The following RGS7BP variants were observed in gnomAD, a reference collection of about 807,000 sequenced individuals.
RGS7BP encodes the protein regulator of G protein signaling 7-binding protein.
In RGS7BP, 9 loss-of-function variants were observed where a neutral mutation model predicts 31.3. The observed-to-expected ratio is 0.29, with a 90% CI of 0.17 to 0.50. The LOEUF (loss-of-function observed/expected upper bound fraction) is 0.50. Ranked by LOEUF, RGS7BP falls within the 20% of genes least tolerant of loss-of-function variation. The pLI is 0.98. For missense variants in RGS7BP, 274 were observed against 322.0 expected, an observed-to-expected ratio of 0.85 and a Z score of 1.14; for synonymous variants, 115 against 120.1, an observed-to-expected ratio of 0.96 and a Z score of 0.28.
intron 4 of RGS7BP, among the ~76,000 whole-genome samples, chr5:64,595,921 A>G (rs188886729): frequency 5.3e-5 from 8 of 152,302 alleles, no homozygotes. Context: ...TAAAACTTGG[A>G]TTTTGTATAA....
At chr5:64,535,730 C>T (rs182706402) in intron 2 of RGS7BP, among the ~76,000 whole-genome samples, 1 of 152,188 alleles carries the variant, frequency 6.6e-6, no homozygotes, top group South Asian at 2.1e-4. Flanking sequence ...CCATAGCAGA[C>T]AGGAAGACAT....
rs750625916 is a variant in RGS7BP, at chr5:64,507,854, C to A, written c.309C>A (p.His103Gln). The change falls in exon 2 of 6, where the codon CAC becomes CAA. Residue 103 changes from histidine (H) to glutamine (Q), a missense_variant. By Grantham distance (24) the His-to-Gln change is conservative (BLOSUM62 0). Around this residue, in one of 3 missense-constraint regions of RGS7BP, gnomAD observed 149 missense variants for 152.6 expected, o/e 0.98. Transcript: ENST00000334025. ...GCTGTGAAATGGCCCGTCAGGCACA[C>A]CAAAAATTGGCTGCCATCTCAGGGT... ...TKGCEMARQAHQKLAAISGPE... is the reference protein window; with the variant it reads ...TKGCEMARQAQQKLAAISGPE... The A allele has an allele frequency of 1.2e-6, 2 of 1,613,216 alleles. No individual in the cohort carries two copies. The highest frequency in any genetic ancestry group is 1.1e-5 in the South Asian group (1 of 90,972).
chr5:64,559,803 C>A (rs1264575762), intron 2 of RGS7BP, among the ~76,000 whole-genome samples: 2 of 152,098 alleles, frequency 1.3e-5, no homozygotes, highest in African/African-American at 4.8e-5. Flanking sequence ...TGTGTTGTTC[C>A]ATTGACATAT....
intron 2 of RGS7BP, among the ~76,000 whole-genome samples, chr5:64,508,599 A>G (rs1748756330): frequency 1.3e-5 from 2 of 152,142 alleles, no homozygotes; most frequent in South Asian, 4.1e-4. Context: ...AATATTGGGG[A>G]AAAAGTTAGC....
chr5:64,537,891 A>C (rs542016060), intron 2 of RGS7BP, among the ~76,000 whole-genome samples: 1 of 152,336 alleles, frequency 6.6e-6, no homozygotes, highest in South Asian at 2.1e-4. Context: ...TAGTGCTAAA[A>C]ATCTGCAGGC....
At chr5:64,607,282 T>A (rs767929281) in intron 5 of RGS7BP, among the ~76,000 whole-genome samples, 3 of 152,062 alleles carry the variant, frequency 2.0e-5, no homozygotes, top group African/African-American at 7.2e-5. Context: ...CTGAGACACA[T>A]CTCAGTCAAT....
At chr5:64,559,436 T>C (rs541864872) in intron 2 of RGS7BP, among the ~76,000 whole-genome samples, 3 of 152,330 alleles carry the variant, frequency 2.0e-5, no homozygotes, top group African/African-American at 7.2e-5. Context: ...TTGCCTGCTT[T>C]AAATATCAAC....
At chr5:64,537,049 T>C (rs1019016670) in intron 2 of RGS7BP, among the ~76,000 whole-genome samples, 1 of 152,228 alleles carries the variant, frequency 6.6e-6, no homozygotes, top group African/African-American at 2.4e-5. Context: ...GATGATGTTT[T>C]ATGTGTCGCT....
At chr5:64,564,452 C>T (rs1320218866) in intron 2 of RGS7BP, among the ~76,000 whole-genome samples, 1 of 152,018 alleles carries the variant, frequency 6.6e-6, no homozygotes, top group Admixed American at 6.6e-5. Context: ...ATGATTTGGG[C>T]TCTTGTTTGT....
intron 2 of RGS7BP, among the ~76,000 whole-genome samples, chr5:64,509,738 A>G (rs1748782895): frequency 6.6e-6 from 1 of 152,128 alleles, no homozygotes; most frequent in African/African-American, 2.4e-5. Flanking sequence ...ACTTGTTTGC[A>G]TGTTATCTGT....
At chr5:64,589,934 A>T (rs1580459829) in intron 3 of RGS7BP, among the ~76,000 whole-genome samples, 1 of 151,938 alleles carries the variant, frequency 6.6e-6, no homozygotes, top group Non-Finnish European at 1.5e-5. Context: ...CAAAAAAAAA[A>T]AAAAAAGACA....
chr5:64,514,899 C>T (rs1363213151), intron 2 of RGS7BP, among the ~76,000 whole-genome samples: 2 of 152,204 alleles, frequency 1.3e-5, no homozygotes, highest in East Asian at 3.8e-4. Context: ...GGCATCAAGA[C>T]AAGTGTTCTC....
At chr5:64,600,264 G>T (rs1397825498) in intron 5 of RGS7BP, among the ~76,000 whole-genome samples, 1 of 151,934 alleles carries the variant, frequency 6.6e-6, no homozygotes, top group Non-Finnish European at 1.5e-5. Context: ...GGCTGCCCAG[G>T]GTCCCCCAGT....
intron 2 of RGS7BP, among the ~76,000 whole-genome samples, chr5:64,567,852 C>T (rs10036915): frequency 0.15 from 22,646 of 152,032 alleles, 1,875 homozygotes; most frequent in Non-Finnish European, 0.17. Context: ...CCCATACTTT[C>T]GATATAATGA....
rs561541255 is a variant in RGS7BP at position 64,608,405 on chromosome 5, A to T, written c.683-756A>T. 2.0e-4 allele frequency among the ~76,000 whole-genome samples: 31 copies of T among 152,144 alleles called. No homozygotes were observed. In the South Asian group the frequency reaches 6.0e-3, roughly 30 times the overall value. On this transcript the variant is annotated intron_variant, in intron 5 of 5. Coordinates refer to ENST00000334025, the MANE Select transcript of RGS7BP (RefSeq NM_001029875.3). ...TCAAACCAAAACTTATTAATTCAACAGCTGGCAGTCTTCTATGAATGCCCT... is the reference window on the plus strand; with the variant it reads ...TCAAACCAAAACTTATTAATTCAACTGCTGGCAGTCTTCTATGAATGCCCT...
In RGS7BP at chr5:64,544,808, C is replaced by T. The variant is rs901559427; in HGVS notation, c.333-30966C>T. Among the ~76,000 whole-genome samples the T allele has an allele frequency of 5.3e-5, 8 of 152,090 alleles. No homozygotes were observed. The South Asian group carries it at 1.2e-3, about 24-fold the overall frequency. ...AATCATGGTATATTGAATCTAAGGC[C>T]GTAGTAATCAATGAGCAGAAGAAAA... On this transcript the variant is annotated intron_variant, in intron 2 of 5. Transcript: ENST00000334025.
intron 2 of RGS7BP, among the ~76,000 whole-genome samples, chr5:64,534,589 C>G (rs766549464): frequency 4.6e-5 from 7 of 152,128 alleles, no homozygotes; most frequent in Non-Finnish European, 8.8e-5. Context: ...GTCTGAGTAA[C>G]TGATTTGATG....
chr5:64,549,142 T>A (rs1407911235), intron 2 of RGS7BP, among the ~76,000 whole-genome samples: 1 of 152,168 alleles, frequency 6.6e-6, no homozygotes, highest in African/African-American at 2.4e-5. Flanking sequence ...AGAGTTGAGG[T>A]ATAATTCATC....
rs140793552 is a variant in RGS7BP, at chr5:64,573,367, C to T, written c.333-2407C>T. On this transcript the variant is annotated intron_variant, in intron 2 of 5. Coordinates refer to ENST00000334025, the MANE Select transcript of RGS7BP (RefSeq NM_001029875.3). ...ATATGGTAGTCATTTGTTTAAATTA[C>T]ATAAAATGTCATCCATATATGAAGT... Among the ~76,000 whole-genome samples the T allele has an allele frequency of 2.3e-3, 354 of 152,162 alleles. 3 individuals carry two copies. Among genetic ancestry groups the T allele is most frequent in the African/African-American group, 8.3e-3 (344 of 41,524 alleles).
Sources: allele counts gnomAD v4.1 joint callset (sites outside exome capture counted in the v4.1 genomes callset), GRCh38; gene constraint gnomAD v4.1.1; regional missense constraint gnomAD v4.1.1; transcripts MANE v1.5; gene names NCBI Gene and HGNC (gene_info 2026-07-23, HGNC 2026-07-21).